Variants in TRPS1 observed in about 807,000 individuals in gnomAD.
The protein encoded by TRPS1 is zinc finger transcription factor Trps1.
TRPS1 carries 6 observed loss-of-function variants against 101.2 expected under a neutral mutation model. The observed-to-expected ratio is 0.06, with a 90% confidence interval of 0.03 to 0.12. The LOEUF is 0.12. Among genes scored for constraint, TRPS1 ranks in the 10% least tolerant of loss-of-function variants. TRPS1 has a pLI of 1.00. For synonymous variants in TRPS1, 578 were observed against 589.8 expected, an observed-to-expected ratio of 0.98 and a Z score of 0.29; for missense variants, 1,363 against 1,567.0, an observed-to-expected ratio of 0.87 and a Z score of 2.20.
chr8:115,459,357 C>T (rs1306746538), intron 5 of TRPS1, among the ~76,000 whole-genome samples: 1 of 136,132 alleles, frequency 7.3e-6, no homozygotes, highest in African/African-American at 2.5e-5. Flanking sequence ...ATGATGTTAC[C>T]TTTTCTTTTT....
chr8:115,451,323 CT>C (rs570280248), intron 5 of TRPS1, among the ~76,000 whole-genome samples: 18 of 149,400 alleles, frequency 1.2e-4, no homozygotes, highest in East Asian at 9.8e-4. Flanking sequence ...TTCATTCTCT[CT>C]TTTTTTTTTC....
At chr8:115,637,392 G>A in intron 1 of TRPS1, 1 of 786,546 alleles carries the variant, frequency 1.3e-6, no homozygotes, top group Non-Finnish European at 1.5e-6. Context: ...CGGAAGAAGG[G>A]AAAGGTAGAA....
intron 5 of TRPS1, among the ~76,000 whole-genome samples, chr8:115,478,254 T>C (rs1010058263): frequency 6.6e-6 from 1 of 152,240 alleles, no homozygotes; most frequent in Non-Finnish European, 1.5e-5. Flanking sequence ...CTTTTCTCAA[T>C]AGTGATGTTG....
At chr8:115,515,050 T>C (rs935962818) in intron 5 of TRPS1, 4 of 565,384 alleles carry the variant, frequency 7.1e-6, no homozygotes, top group East Asian at 2.8e-5. Flanking sequence ...AGATGGCATA[T>C]ACTGTGTAAG....
At chr8:115,620,083 C>T (rs1818360563) in intron 2 of TRPS1, 23 bp from the exon 3 acceptor site, 1 of 1,608,984 alleles carries the variant, frequency 6.2e-7, no homozygotes, top group African/African-American at 1.3e-5. Context: ...AGGGAAAAGG[C>T]AGATACAGTG....
chr8:115,590,372 GC>G (rs1289659209), intron 4 of TRPS1, among the ~76,000 whole-genome samples: 1 of 152,088 alleles, frequency 6.6e-6, no homozygotes, highest in East Asian at 1.9e-4. Flanking sequence ...TGAGATCTCT[GC>G]TTGAATTCTC....
intron 5 of TRPS1, among the ~76,000 whole-genome samples, chr8:115,548,338 TTTTG>T (rs1816626334): frequency 6.6e-6 from 1 of 151,956 alleles, no homozygotes; most frequent in Non-Finnish European, 1.5e-5. Flanking sequence ...GTTTTTTGGG[TTTTG>T]TTTGTTTGTT....
Position 115,648,415 on chromosome 8 carries a change from C to A in TRPS1, c.-122+20130G>T, listed in dbSNP as rs189126373. Reference sequence around the variant, plus strand: ...GATAACACGCCCACAGCCCGGGCGCCGAGCACGCGTGGTGGCGGCCGCAGG... The same window carrying A: ...GATAACACGCCCACAGCCCGGGCGCAGAGCACGCGTGGTGGCGGCCGCAGG... On this transcript the variant is annotated intron_variant, in intron 1 of 6. Coordinates refer to ENST00000395715, the MANE Select transcript of TRPS1 (RefSeq NM_014112.5). 2.3e-3 allele frequency among the ~76,000 whole-genome samples: 349 copies of A among 152,302 alleles called. 2 individuals are homozygous for A. The highest frequency in any genetic ancestry group is 8.0e-3 in the African/African-American group (334 of 41,578).
At chr8:115,571,277 T>C (rs1349657559) in intron 5 of TRPS1, among the ~76,000 whole-genome samples, 1 of 152,212 alleles carries the variant, frequency 6.6e-6, no homozygotes, top group Non-Finnish European at 1.5e-5. Context: ...TCAAAAGAAC[T>C]ACCATAAATT....
intron 5 of TRPS1, among the ~76,000 whole-genome samples, chr8:115,560,570 TTTAAC>T (rs1429131238): frequency 6.6e-6 from 1 of 152,062 alleles, no homozygotes; most frequent in African/African-American, 2.4e-5. Flanking sequence ...AAAAGAAACT[TTTAAC>T]TTAAGAAATT....
intron 3 of TRPS1, among the ~76,000 whole-genome samples, chr8:115,609,936 C>G (rs191342222): frequency 6.6e-6 from 1 of 152,326 alleles, no homozygotes; most frequent in African/African-American, 2.4e-5. Context: ...TCATTAATCT[C>G]AGTTTCTTTC....
chr8:115,504,620 GT>G (rs1815397372), intron 5 of TRPS1, among the ~76,000 whole-genome samples: 1 of 152,116 alleles, frequency 6.6e-6, no homozygotes, highest in Admixed American at 6.5e-5. Flanking sequence ...GAATAGGCAG[GT>G]TCAATAGTCT....
At chr8:115,645,867 C>T (rs1455326488) in intron 1 of TRPS1, among the ~76,000 whole-genome samples, 2 of 152,050 alleles carry the variant, frequency 1.3e-5, no homozygotes, top group Non-Finnish European at 2.9e-5. Context: ...AACTGAAATT[C>T]AAACATAACA....
intron 5 of TRPS1, among the ~76,000 whole-genome samples, chr8:115,561,688 T>G (rs749703594): frequency 2.2e-4 from 33 of 152,172 alleles, no homozygotes; most frequent in African/African-American, 7.9e-4. Flanking sequence ...ATACTCAGTG[T>G]GCATCGTCAA....
At chr8:115,598,266 A>G (rs1469767894) in intron 4 of TRPS1, among the ~76,000 whole-genome samples, 1 of 152,102 alleles carries the variant, frequency 6.6e-6, no homozygotes, top group Non-Finnish European at 1.5e-5. Context: ...CTAACTCCCA[A>G]CAATTCAGGT....
intron 5 of TRPS1, among the ~76,000 whole-genome samples, chr8:115,441,866 T>TGAGAGAGAGAGAGAGA (rs56875076): frequency 7.2e-6 from 1 of 139,534 alleles, no homozygotes; most frequent in African/African-American, 2.7e-5. Context: ...CAATTGAGAG[T>TGAGAGAGAGAGAGAGA]GAGAGAGAGA....
At chr8:115,547,338 C>G (rs1236438694) in intron 5 of TRPS1, among the ~76,000 whole-genome samples, 1 of 151,924 alleles carries the variant, frequency 6.6e-6, no homozygotes, top group African/African-American at 2.4e-5. Context: ...CTTCTATAGC[C>G]CTCTCTCCCT....
At chr8:115,482,559 C>G (rs993509785) in intron 5 of TRPS1, among the ~76,000 whole-genome samples, 36 of 152,154 alleles carry the variant, frequency 2.4e-4, no homozygotes, top group African/African-American at 7.5e-4. Context: ...CATTCTGTCC[C>G]AATACTTTCA....
chr8:115,612,777 C>T (rs913236142), intron 3 of TRPS1, among the ~76,000 whole-genome samples: 3 of 152,202 alleles, frequency 2.0e-5, no homozygotes, highest in East Asian at 3.8e-4. Flanking sequence ...CTCACTATGT[C>T]CCACCCGTCT....
Sources: allele counts gnomAD v4.1 joint callset (sites outside exome capture counted in the v4.1 genomes callset), GRCh38; gene constraint gnomAD v4.1.1; transcripts MANE v1.5; gene names NCBI Gene and HGNC (gene_info 2026-07-23, HGNC 2026-07-21).